Variants in COBLL1 observed in about 807,000 individuals in gnomAD.
The protein encoded by COBLL1 is cordon-bleu WH2 repeat protein like 1, also known as cordon-bleu protein-like 1.
In COBLL1, 50 loss-of-function variants were observed where a neutral mutation model predicts 94.8. The ratio of observed to expected loss-of-function variants is 0.53; its 90% CI spans 0.42 to 0.67. The LOEUF is 0.67. Ranked by LOEUF, COBLL1 falls within the 30% of genes least tolerant of loss-of-function variation. The probability of loss-of-function intolerance (pLI) is 0.00; values close to 1 mark genes in which losing one functional copy is unlikely to be tolerated. For synonymous variants in COBLL1, 448 were observed against 473.8 expected (o/e 0.95, Z 0.71); for missense variants, 1,362 against 1,348.7 (o/e 1.01, Z -0.15).
At chr2:164,795,953 T>C (rs1248984360) in intron 2 of COBLL1, among the ~76,000 whole-genome samples, 2 of 152,054 alleles carry the variant, frequency 1.3e-5, no homozygotes, top group Non-Finnish European at 2.9e-5. Context: ...GTGTGCCCCA[T>C]GAATGGTGGC....
chr2:164,786,657 T>C (rs1191828454), intron 2 of COBLL1, among the ~76,000 whole-genome samples: 3 of 152,118 alleles, frequency 2.0e-5, no homozygotes, highest in African/African-American at 7.2e-5. Context: ...AGGATTTTCA[T>C]CTCGCAGCCC....
chr2:164,810,277 G>A (rs1173793285), intron 2 of COBLL1, among the ~76,000 whole-genome samples: 2 of 151,186 alleles, frequency 1.3e-5, no homozygotes, highest in East Asian at 1.9e-4. Flanking sequence ...ATTTGGGGCT[G>A]GAGAGGTATG....
chr2:164,695,523 A>G lies in COBLL1; in HGVS notation c.1869T>C (p.Ser623=). ...GCACACATTCTTCAACTTTGGAGTCAGATAAATTATGATCTTGGTGTTTCC... is the reference window on the plus strand; with the variant it reads ...GCACACATTCTTCAACTTTGGAGTCGGATAAATTATGATCTTGGTGTTTCC... ...FDGKHQDHNL[S]DSKVEECVQT... Residue 623 remains serine, a synonymous_variant, in exon 12 of 14, where the codon TCT becomes TCC. Transcript: ENST00000652658. 6.2e-7 allele frequency: 1 copy of G among 1,614,008 alleles called. No homozygotes were observed. Among genetic ancestry groups the G allele is most frequent in the Non-Finnish European group, 8.5e-7 (1 of 1,179,934 alleles).
At chr2:164,792,246 A>G (rs1216073975) in intron 2 of COBLL1, among the ~76,000 whole-genome samples, 1 of 151,992 alleles carries the variant, frequency 6.6e-6, no homozygotes, top group Non-Finnish European at 1.5e-5. Context: ...CTCCCACCTC[A>G]GCCCCCCTTG....
At chr2:164,835,694 G>A (rs1683288488) in intron 2 of COBLL1, among the ~76,000 whole-genome samples, 1 of 152,178 alleles carries the variant, frequency 6.6e-6, no homozygotes, top group African/African-American at 2.4e-5. Flanking sequence ...GGATAAAAAA[G>A]CAGGTAGAGG....
rs115942698 is a variant in COBLL1 at position 164,725,543 on chromosome 2, T to C, written c.661+2426A>G. On this transcript the variant is annotated intron_variant, in intron 5 of 13. Coordinates refer to ENST00000652658, the MANE Select transcript of COBLL1 (RefSeq NM_001365672.2). ...AGGTGATCCTCCCACCTCAGCCTTC[T>C]GAGTAGCTGGGACTACAGGCATGTG... Among the ~76,000 whole-genome samples the C allele has an allele frequency of 2.9e-3, 449 of 152,246 alleles. 1 individual carries two copies. Among genetic ancestry groups the C allele is most frequent in the African/African-American group, 9.9e-3 (411 of 41,556 alleles).
downstream of COBLL1, among the ~76,000 whole-genome samples, chr2:164,677,398 A>G (rs1691357179): frequency 6.6e-6 from 1 of 151,384 alleles, no homozygotes; most frequent in African/African-American, 2.5e-5. Flanking sequence ...CAGCAAAGGT[A>G]CTGGTAGGAA....
intron 2 of COBLL1, among the ~76,000 whole-genome samples, chr2:164,745,092 C>T (rs1686799138): frequency 6.6e-6 from 1 of 152,084 alleles, no homozygotes; most frequent in Non-Finnish European, 1.5e-5. Context: ...TCCTTACTTG[C>T]TAGGCAAACA....
chr2:164,733,859 C>A lies in COBLL1; in HGVS notation c.231-3744G>T, dbSNP rs556195594. Among the ~76,000 whole-genome samples, 12 of 128,620 alleles carry A rather than the reference C, an allele frequency of 9.3e-5. 1 individual carries two copies. The East Asian group carries it at 2.5e-3, about 27-fold the overall frequency. The allele number at this position is 128,620 out of a possible 152,430, so 84.4% of individuals were successfully genotyped here. ...ACACAGTGGTTACTGGGATAGTGGACTCCCAAACCAAATTTTTTATTCAAA... is the reference window on the plus strand; with the variant it reads ...ACACAGTGGTTACTGGGATAGTGGAATCCCAAACCAAATTTTTTATTCAAA... On this transcript the variant is annotated intron_variant, in intron 3 of 13. Transcript: ENST00000652658.
At chr2:164,694,202 G>A (rs953502532) in intron 12 of COBLL1, 67 bp downstream of exon 12, 19 of 1,436,628 alleles carry the variant, frequency 1.3e-5, no homozygotes, top group Admixed American at 2.1e-5. Flanking sequence ...ACATCAACAT[G>A]CTTGTTAACC....
intron 7 of COBLL1, among the ~76,000 whole-genome samples, chr2:164,710,627 C>A (rs59884845): frequency 1.3e-5 from 2 of 148,990 alleles, no homozygotes; most frequent in Non-Finnish European, 3.0e-5. Context: ...TACAGTGGTG[C>A]GATCTCAGCT....
chr2:164,767,468 C>G (rs2105238887), intron 2 of COBLL1, among the ~76,000 whole-genome samples: 1 of 152,242 alleles, frequency 6.6e-6, no homozygotes, highest in Non-Finnish European at 1.5e-5. Flanking sequence ...AACATTCTAA[C>G]TTAAGATGCA....
intron 2 of COBLL1, among the ~76,000 whole-genome samples, chr2:164,799,127 A>C (rs1683632477): frequency 6.6e-6 from 1 of 152,082 alleles, no homozygotes; most frequent in Admixed American, 6.6e-5. Context: ...AATTTGAAGA[A>C]TCTGAAAAGT....
At chr2:164,699,552 TACACACACACACAGAC>T (rs1684139838) in intron 10 of COBLL1, 53 bp from the exon 11 acceptor site, 1 of 966,020 alleles carries the variant, frequency 1.0e-6, no homozygotes, top group Non-Finnish European at 1.7e-6. Flanking sequence ...AACACACACA[TACACACACACACAGAC>T]ACACACACAC....
intron 2 of COBLL1, among the ~76,000 whole-genome samples, chr2:164,790,214 G>A (rs1438136203): frequency 6.6e-6 from 1 of 152,114 alleles, no homozygotes; most frequent in African/African-American, 2.4e-5. Context: ...GTGCATGTCA[G>A]GTTCATTGGT....
intron 13 of COBLL1, 51 bp from the exon 14 acceptor site, chr2:164,686,083 G>T: frequency 1.0e-6 from 1 of 983,104 alleles, no homozygotes; most frequent in Non-Finnish European, 1.5e-6. Context: ...TGGGATAGCT[G>T]TCTAATTTTC....
chr2:164,808,935 C>T (rs746133801), intron 2 of COBLL1, among the ~76,000 whole-genome samples: 1 of 152,032 alleles, frequency 6.6e-6, no homozygotes, highest in South Asian at 2.1e-4. Flanking sequence ...TATAGCCAAA[C>T]AATGTGGTAC....
chr2:164,781,273 C>A (rs1211966412), intron 2 of COBLL1, among the ~76,000 whole-genome samples: 1 of 152,046 alleles, frequency 6.6e-6, no homozygotes, highest in Non-Finnish European at 1.5e-5. Flanking sequence ...ATCCATATGA[C>A]AAAAATAGCA....
chr2:164,660,289 C>A (rs1181358970), intron 2 of COBLL1, among the ~76,000 whole-genome samples: 2 of 152,000 alleles, frequency 1.3e-5, no homozygotes, highest in East Asian at 3.9e-4. Context: ...GTTTTAATGC[C>A]GTAAGTAAAC....
Sources: allele counts gnomAD v4.1 joint callset (sites outside exome capture counted in the v4.1 genomes callset), GRCh38; gene constraint gnomAD v4.1.1; transcripts MANE v1.5; gene names NCBI Gene and HGNC (gene_info 2026-07-23, HGNC 2026-07-21).